The following ELAC2 variants were observed in gnomAD, a reference collection of about 807,000 sequenced individuals.
ELAC2 encodes zinc phosphodiesterase ELAC protein 2.
ELAC2 carries 92 observed loss-of-function variants against 105.2 expected under a neutral mutation model. That is an observed-to-expected ratio of 0.87 (90% CI 0.74 to 1.04). ELAC2 has a LOEUF of 1.04. Among genes scored for constraint, ELAC2 ranks in the 50% least tolerant of loss-of-function variants. The pLI is 0.00. For synonymous variants in ELAC2, 468 were observed against 409.1 expected, an observed-to-expected ratio of 1.14 and a Z score of -1.74; for missense variants, 1,099 against 1,071.7, an observed-to-expected ratio of 1.03 and a Z score of -0.36.
chr17:13,014,383 G>A (rs373433647), intron 5 of ELAC2, 56 bp downstream of exon 5: 4 of 1,329,772 alleles, frequency 3.0e-6, no homozygotes, highest in South Asian at 2.3e-5. Context: ...AATTTGAGAG[G>A]TCAGGGCATA....
At position 12,991,922 on chromosome 17, in the gene ELAC2, C is replaced by A. The variant is rs557640991; in HGVS notation, c.*896G>T. On this transcript the variant is annotated 3_prime_UTR_variant, in exon 24 of 24. Coordinates refer to ENST00000338034, the MANE Select transcript of ELAC2 (RefSeq NM_018127.7). The stretch of plus-strand genomic sequence containing the variant: ...TCTCCATTTGTCGAGCACTAATCCA[C>A]GTCTGTAAATCCCGCAAGGAGGACA... Among the ~76,000 whole-genome samples the A allele has an allele frequency of 1.3e-5, 2 of 152,308 alleles. No individual in the cohort carries two copies. The highest frequency in any genetic ancestry group is 2.1e-4 in the South Asian group (1 of 4,816).
In ELAC2 at chr17:12,994,896, G is replaced by A; in HGVS notation, c.1909-12C>T. 2 of 1,614,054 alleles carry A rather than the reference G, an allele frequency of 1.2e-6. No homozygotes were observed. Among genetic ancestry groups the A allele is most frequent in the Non-Finnish European group, 1.7e-6 (2 of 1,180,026 alleles). On this transcript the variant is annotated splice_polypyrimidine_tract_variant and intron_variant, in intron 20 of 23. Transcript: ENST00000338034. ...AGACAGGTCTGAAACTGAAAGGGTG[G>A]GGCTGGAGGGCTCTGCAGCTCTGCT...
In ELAC2 at chr17:12,992,098, A is replaced by C. The variant is rs2040200931; in HGVS notation, c.*720T>G. ...GACTTGCATTTCCCTGACCAATGACACCAGCCCAGCCAGGCTCTCACTGAT... is the reference window on the plus strand; with the variant it reads ...GACTTGCATTTCCCTGACCAATGACCCCAGCCCAGCCAGGCTCTCACTGAT... On this transcript the variant is annotated 3_prime_UTR_variant, in exon 24 of 24. Transcript: ENST00000338034. Among the ~76,000 whole-genome samples, 1 of 151,888 alleles carries C rather than the reference A, an allele frequency of 6.6e-6. No individual in the cohort carries two copies. The highest frequency in any genetic ancestry group is 6.6e-5 in the Admixed American group (1 of 15,244).
chr17:12,998,378 T>C, intron 16 of ELAC2, 34 bp downstream of exon 16: 1 of 1,598,686 alleles, frequency 6.3e-7, no homozygotes, highest in Admixed American at 1.7e-5. Context: ...AACGTGCCCT[T>C]GATGGAAGGA....
In ELAC2 at chr17:12,992,840, G is replaced by T. The variant is rs1412024900; in HGVS notation, c.2459C>A (p.Ala820Asp). The change falls in exon 24 of 24, where the codon GCC (alanine) becomes GAC (aspartate). Residue 820 changes from alanine to aspartate, a missense_variant. Physicochemically the swap from Ala to Asp is moderately radical, Grantham distance 126. Transcript: ENST00000338034. Reference protein sequence around the residue: ...QKRAHTEEPQAKKVRAQ With the variant: ...QKRAHTEEPQDKKVRAQ ...TCTTCACTGGGCTCTGACCTTCTTG[G>T]CCTGTGGCTCCTCTGTGTGGGCCCG... is the stretch of plus-strand genomic sequence containing the variant. The T allele has an allele frequency of 6.2e-7, 1 of 1,611,310 alleles. No homozygotes were observed. Among genetic ancestry groups the T allele is most frequent in the Admixed American group, 1.7e-5 (1 of 59,954 alleles).
In ELAC2 at chr17:13,013,255, G is replaced by A. The variant is rs775086832; in HGVS notation, c.511C>T (p.Pro171Ser). 9.3e-6 allele frequency: 15 copies of A among 1,613,952 alleles called. No individual in the cohort carries two copies. Among genetic ancestry groups the A allele is most frequent in the Admixed American group, 3.3e-5 (2 of 59,990 alleles). ...IELAVRPHSA[P>S]EYEDETMTVY... ...GTCATGGTTTCATCCTCGTATTCTG[G>A]GGCAGAGTGGGGCCGCACAGCTACA... Residue 171 changes from proline to serine, a missense_variant, in exon 6 of 24, where the codon CCA (proline) becomes TCA (serine). Pro to Ser is a moderately conservative substitution (Grantham distance 74). Transcript: ENST00000338034.
rs1243158746 is a variant in ELAC2 at position 13,002,660 on chromosome 17, G to C, written c.1080-81C>G. 4.5e-6 allele frequency: 7 copies of C among 1,548,250 alleles called. No individual in the cohort carries two copies. In the South Asian group the frequency reaches 8.3e-5, roughly 18 times the overall value. ...AGGAGTGGTGCTGAGCTCAGGAGTG[G>C]TAATGAGGATGAGGTGTTCAAACAG... On this transcript the variant is annotated intron_variant, in intron 12 of 23. Transcript: ENST00000338034.
rs577239094 is a variant in ELAC2, at chr17:12,994,457, A to C, written c.2076T>G (p.Gly692=). The C allele has an allele frequency of 1.9e-6, 3 of 1,614,114 alleles. No homozygotes were observed. The highest frequency in any genetic ancestry group is 3.3e-5 in the Admixed American group (2 of 60,012). Reference sequence around the variant, plus strand: ...TCTTTTCCACTGCTTCCTCTTCCAAACCATCTTCCAGGGTGGCTTCATGTA... The same window carrying C: ...TCTTTTCCACTGCTTCCTCTTCCAACCCATCTTCCAGGGTGGCTTCATGTA... The part of the protein sequence containing the change: ...LLIHEATLED[G]LEEEAVEKTH... The change falls in exon 22 of 24, where the codon GGT becomes GGG. Residue 692 remains glycine, a synonymous_variant. Transcript: ENST00000338034.
At chr17:12,995,573 G>A (rs1181923626) in intron 19 of ELAC2, 130 bp downstream of exon 19, 4 of 852,688 alleles carry the variant, frequency 4.7e-6, no homozygotes, top group South Asian at 2.9e-5. Flanking sequence ...CCCTGCTTCT[G>A]CCATCTGGGA....
chr17:12,992,551 A>G lies in ELAC2; in HGVS notation c.*267T>C, dbSNP rs2040237382. The G allele has an allele frequency of 1.9e-6, 1 of 534,404 alleles. No homozygotes were observed. The highest frequency in any genetic ancestry group is 3.1e-5 in the East Asian group (1 of 31,934). The allele number at this position is 534,404 out of a possible 1,614,324, so 33.1% of individuals were successfully genotyped here. On this transcript the variant is annotated 3_prime_UTR_variant, in exon 24 of 24. Transcript: ENST00000338034. ...CGTCTGTTTCCAAGACTTCTTTAAA[A>G]ACTGCCTTGAAATGAAATTAGTTCA...
At chr17:12,996,312 C>T (rs1278052386) in intron 17 of ELAC2, 2 of 667,178 alleles carry the variant, frequency 3.0e-6, no homozygotes, top group East Asian at 5.5e-5. Flanking sequence ...TCAAGGAAGG[C>T]TGGGTAAACT....
intron 3 of ELAC2, 38 bp from the exon 4 acceptor site, chr17:13,015,870 T>C (rs777504440): frequency 1.3e-6 from 2 of 1,546,278 alleles, no homozygotes; most frequent in Non-Finnish European, 8.9e-7. Flanking sequence ...CTCATCAATT[T>C]GACCTGTCGT....
intron 4 of ELAC2, among the ~76,000 whole-genome samples, chr17:13,015,036 C>T (rs1029913994): frequency 2.0e-5 from 3 of 152,176 alleles, no homozygotes; most frequent in Non-Finnish European, 4.4e-5. Context: ...CCGGGGCCTA[C>T]AGGACTTGTA....
intron 16 of ELAC2, among the ~76,000 whole-genome samples, chr17:12,998,122 A>C (rs1425171620): frequency 6.6e-6 from 1 of 152,196 alleles, no homozygotes; most frequent in Non-Finnish European, 1.5e-5. Context: ...CATAGGATTA[A>C]TGTAAAAATT....
intron 23 of ELAC2, 51 bp from the exon 24 acceptor site, chr17:12,993,096 G>A: frequency 6.4e-7 from 1 of 1,573,194 alleles, no homozygotes; most frequent in Middle Eastern, 1.7e-4. Flanking sequence ...GCAGGGGTGG[G>A]GGACAGGAGC....
At chr17:13,016,966 T>C in intron 2 of ELAC2, 34 bp from the exon 3 acceptor site, 1 of 1,613,620 alleles carries the variant, frequency 6.2e-7, no homozygotes. Flanking sequence ...CAGGATAACA[T>C]GAACAGAACA....
chr17:12,994,677 C>T (rs747296926), intron 21 of ELAC2, 87 bp downstream of exon 21: 57 of 1,610,834 alleles, frequency 3.5e-5, no homozygotes, highest in South Asian at 5.5e-5. Context: ...CCTCTGCTGA[C>T]GTTTCCCTGC....
chr17:12,992,755 G>A lies in ELAC2; in HGVS notation c.*63C>T. 1 of 1,588,936 alleles carries A rather than the reference G, an allele frequency of 6.3e-7. No individual in the cohort carries two copies. Among genetic ancestry groups the A allele is most frequent in the South Asian group, 1.1e-5 (1 of 90,224 alleles). On this transcript the variant is annotated 3_prime_UTR_variant, in exon 24 of 24. Coordinates refer to ENST00000338034, the MANE Select transcript of ELAC2 (RefSeq NM_018127.7). The stretch of plus-strand genomic sequence containing the variant: ...TCAGCTTCTACCAGCAAGGAGGGCA[G>A]ATACGGGTGCGTGCGTGGGGCAGAA...
intron 12 of ELAC2, 171 bp downstream of exon 12, chr17:13,003,308 A>G (rs1287127026): frequency 1.3e-5 from 9 of 685,756 alleles, no homozygotes; most frequent in Middle Eastern, 3.9e-4. Context: ...TTTCTTCACG[A>G]GTGTAGCACA....
Sources: gnomAD v4.1 joint callset for allele counts (sites outside exome capture counted in the v4.1 genomes callset) on GRCh38, gnomAD v4.1.1 for gene constraint, MANE v1.5 for transcripts, NCBI Gene and HGNC (gene_info 2026-07-23, HGNC 2026-07-21) for gene names.